The following DIAPH2 variants were observed in gnomAD, a reference collection of about 807,000 sequenced individuals.
The protein encoded by DIAPH2 is protein diaphanous homolog 2.
A neutral mutation model predicts 92.7 loss-of-function variants in DIAPH2; 35 were observed. The ratio of observed to expected loss-of-function variants is 0.38; its 90% CI spans 0.29 to 0.50. The LOEUF (loss-of-function observed/expected upper bound fraction) is 0.50. DIAPH2 is among the 20% of genes least tolerant of loss of function. The pLI, the probability that DIAPH2 is intolerant of heterozygous loss-of-function variation, is 0.94. For synonymous variants in DIAPH2, 301 were observed against 280.4 expected (o/e 1.07, Z -0.73); for missense variants, 701 against 819.5 (o/e 0.86, Z 1.77).
At chrX:97,369,632 A>C (rs1296664161) in intron 24 of DIAPH2, among the ~76,000 whole-genome samples, 1 of 110,658 alleles carries the variant, frequency 9.0e-6, no homozygotes, top group African/African-American at 3.3e-5. Flanking sequence ...CTGAGTTTTC[A>C]GACAACATCA....
Position 97,447,479 on chromosome X carries a change from A to C in DIAPH2, c.3241+17734A>C, listed in dbSNP as rs1397214944. On this transcript the variant is annotated intron_variant, in intron 26 of 26. Coordinates refer to ENST00000324765, the MANE Select transcript of DIAPH2 (RefSeq NM_006729.5). The stretch of plus-strand genomic sequence containing the variant: ...TTAAAAGCCTATTGCTTCTTTGTCA[A>C]CTTATTTCACATTGGTTCACTATGC... 2.7e-5 allele frequency among the ~76,000 whole-genome samples: 3 copies of C among 111,536 alleles called. No homozygotes were observed. The Admixed American group carries it at 2.9e-4, about 11-fold the overall frequency.
chrX:97,300,739 T>A (rs368439009), intron 23 of DIAPH2, among the ~76,000 whole-genome samples: 4 of 85,914 alleles, frequency 4.7e-5, no homozygotes, highest in Non-Finnish European at 9.2e-5. Flanking sequence ...GAGACCATCC[T>A]GGCTAACACG....
intron 17 of DIAPH2, among the ~76,000 whole-genome samples, chrX:97,031,347 C>T (rs761445079): frequency 2.3e-4 from 2 of 8,654 alleles, no homozygotes; most frequent in African/African-American, 1.0e-3. Context: ...ACCTATGGGG[C>T]GGGAGGGGGG....
At chrX:96,810,314 T>G (rs1440445162) in intron 4 of DIAPH2, among the ~76,000 whole-genome samples, 2 of 112,547 alleles carry the variant, frequency 1.8e-5, no homozygotes, top group African/African-American at 6.5e-5. Context: ...CATAAATGTC[T>G]TCTTTTGAGA....
chrX:97,267,918 G>C (rs182626320), intron 23 of DIAPH2, among the ~76,000 whole-genome samples: 1 of 111,540 alleles, frequency 9.0e-6, no homozygotes, highest in Admixed American at 9.6e-5. Flanking sequence ...GGAGGGTTTG[G>C]TTAGAAATGG....
intron 23 of DIAPH2, among the ~76,000 whole-genome samples, chrX:97,331,082 G>A (rs1453669670): frequency 9.0e-6 from 1 of 110,933 alleles, no homozygotes; most frequent in Non-Finnish European, 1.9e-5. Context: ...GACACCTAGA[G>A]ACAGCAAACA....
intron 22 of DIAPH2, among the ~76,000 whole-genome samples, chrX:97,192,571 T>C (rs73632882): frequency 1.0e-3 from 114 of 111,657 alleles, no homozygotes; most frequent in African/African-American, 3.5e-3. Flanking sequence ...TAAATGATAA[T>C]TTAAAACACA....
intron 26 of DIAPH2, among the ~76,000 whole-genome samples, chrX:97,524,086 A>G (rs1463095559): frequency 9.0e-6 from 1 of 111,477 alleles, no homozygotes; most frequent in Non-Finnish European, 1.9e-5. Context: ...TTGTTTTCTG[A>G]GCATTTATCA....
intron 26 of DIAPH2, among the ~76,000 whole-genome samples, chrX:97,465,633 A>G (rs751208163): frequency 9.9e-5 from 11 of 111,667 alleles, no homozygotes; most frequent in African/African-American, 3.6e-4. Flanking sequence ...CCAATTCCTC[A>G]TGGATACCTA....
chrX:97,229,856 AT>A (rs1165160171), intron 22 of DIAPH2, among the ~76,000 whole-genome samples: 9 of 103,632 alleles, frequency 8.7e-5, no homozygotes, highest in Non-Finnish European at 1.2e-4. Flanking sequence ...TATATAACAT[AT>A]TATATATTAT....
intron 23 of DIAPH2, among the ~76,000 whole-genome samples, chrX:97,265,076 A>G (rs1274917764): frequency 8.9e-6 from 1 of 112,111 alleles, no homozygotes; most frequent in East Asian, 2.8e-4. Flanking sequence ...TTAGTCTACT[A>G]TTATTTTTGT....
chrX:96,751,354 ATCAC>A (rs2064185914), intron 3 of DIAPH2, among the ~76,000 whole-genome samples: 2 of 109,223 alleles, frequency 1.8e-5, no homozygotes, highest in Non-Finnish European at 3.8e-5. Flanking sequence ...AGGCAGGCGG[ATCAC>A]GAGGTCAGGA....
intron 26 of DIAPH2, among the ~76,000 whole-genome samples, chrX:97,563,891 C>T (rs1353598214): frequency 9.0e-6 from 1 of 111,234 alleles, no homozygotes; most frequent in Non-Finnish European, 1.9e-5. Context: ...CTCTGCAGAT[C>T]AGTCTCAGGA....
At chrX:96,764,750 T>C (rs1216525956) in intron 4 of DIAPH2, among the ~76,000 whole-genome samples, 1 of 111,699 alleles carries the variant, frequency 9.0e-6, no homozygotes, top group African/African-American at 3.3e-5. Flanking sequence ...CTTCACACTT[T>C]AAGAAGTACT....
intron 26 of DIAPH2, among the ~76,000 whole-genome samples, chrX:97,578,729 C>A (rs1212232876): frequency 1.8e-5 from 1 of 56,547 alleles, no homozygotes; most frequent in Non-Finnish European, 3.3e-5. Flanking sequence ...AGTTCTAGAT[C>A]CCTGAGGAAT....
intron 5 of DIAPH2, among the ~76,000 whole-genome samples, 158 bp from the exon 6 acceptor site, chrX:96,912,170 C>T (rs995924497): frequency 9.0e-6 from 1 of 111,166 alleles, no homozygotes; most frequent in African/African-American, 3.3e-5. Context: ...GAGTCATCCT[C>T]ATAGAGTCAA....
intron 17 of DIAPH2, among the ~76,000 whole-genome samples, chrX:97,015,629 G>A (rs766941151): frequency 9.1e-6 from 1 of 110,481 alleles, no homozygotes; most frequent in East Asian, 2.8e-4. Context: ...ATGTTAACAT[G>A]GCATTTTCTA....
At chrX:96,933,195 A>G (rs1040382512) in intron 10 of DIAPH2, among the ~76,000 whole-genome samples, 3 of 110,467 alleles carry the variant, frequency 2.7e-5, no homozygotes, top group Non-Finnish European at 5.7e-5. Flanking sequence ...ATCTTACTGT[A>G]TTGAGGATAG....
chrX:96,749,295 T>G (rs1404680114), intron 3 of DIAPH2, among the ~76,000 whole-genome samples: 1 of 110,041 alleles, frequency 9.1e-6, no homozygotes, highest in Non-Finnish European at 1.9e-5. Flanking sequence ...TTAAAATGAT[T>G]TAAAATTAGT....
Sources: gnomAD v4.1 joint callset for allele counts (sites outside exome capture counted in the v4.1 genomes callset) on GRCh38, gnomAD v4.1.1 for gene constraint, MANE v1.5 for transcripts, NCBI Gene and HGNC (gene_info 2026-07-23, HGNC 2026-07-21) for gene names.